The following RBFOX1 variants were observed in gnomAD, a reference collection of about 807,000 sequenced individuals.
The protein encoded by RBFOX1 is RNA binding fox-1 homolog 1.
Under a neutral mutation model 57.7 loss-of-function variants are expected in RBFOX1, and 8 were observed. The ratio of observed to expected loss-of-function variants is 0.14; its 90% CI spans 0.08 to 0.25. RBFOX1 has a LOEUF of 0.25. Among genes scored for constraint, RBFOX1 ranks in the 10% least tolerant of loss-of-function variants. RBFOX1 has a pLI of 1.00. For synonymous variants in RBFOX1, 326 were observed against 222.4 expected, an observed-to-expected ratio of 1.47 and a Z score of -4.15; for missense variants, 611 against 548.5, an observed-to-expected ratio of 1.11 and a Z score of -1.14.
At chr16:5,861,640 A>G (rs535823516) in intron 3 of RBFOX1, among the ~76,000 whole-genome samples, 3 of 152,308 alleles carry the variant, frequency 2.0e-5, no homozygotes, top group African/African-American at 4.8e-5. Flanking sequence ...CTTCACCCAT[A>G]GGACTCCCCC....
intron 4 of RBFOX1, among the ~76,000 whole-genome samples, chr16:7,142,627 C>G (rs976963948): frequency 6.6e-6 from 1 of 152,156 alleles, no homozygotes; most frequent in African/African-American, 2.4e-5. Context: ...TCTGGACTGT[C>G]AATCAGAGCA....
intron 1 of RBFOX1, among the ~76,000 whole-genome samples, chr16:6,267,328 C>T (rs574411340): frequency 1.3e-5 from 2 of 152,314 alleles, no homozygotes; most frequent in East Asian, 3.9e-4. Flanking sequence ...GAACTCTACT[C>T]ATATTATTTG....
chr16:7,255,759 T>A (rs918474778), intron 4 of RBFOX1, among the ~76,000 whole-genome samples: 3 of 152,236 alleles, frequency 2.0e-5, no homozygotes, highest in African/African-American at 7.2e-5. Flanking sequence ...TTTCAATATA[T>A]AATCAATATA....
chr16:6,730,902 G>C (rs1211711543), intron 3 of RBFOX1, among the ~76,000 whole-genome samples: 2 of 152,104 alleles, frequency 1.3e-5, no homozygotes, highest in Admixed American at 6.6e-5. Flanking sequence ...ACCAAATATG[G>C]GGTGGGGAGA....
At chr16:5,363,001 A>G (rs2065597008) in intron 1 of RBFOX1, among the ~76,000 whole-genome samples, 1 of 151,676 alleles carries the variant, frequency 6.6e-6, no homozygotes, top group Admixed American at 6.6e-5. Context: ...ATGGGAGTGC[A>G]AATATCTCTT....
Position 5,449,763 on chromosome 16 carries a change from C to T in RBFOX1, c.220-17453C>T, listed in dbSNP as rs181050267. 3.3e-3 allele frequency among the ~76,000 whole-genome samples: 502 copies of T among 152,074 alleles called. 10 individuals are homozygous for T. The highest frequency in any genetic ancestry group is 0.025 in the Admixed American group (375 of 15,270). On this transcript the variant is annotated intron_variant, in intron 1 of 2. Coordinates refer to the RBFOX1 transcript ENST00000585867. ...AGATGGAAACACAGATGTATGCCAC[C>T]ATGCCTGGCTAATTTTTTATTTTTT...
chr16:7,044,687 T>C (rs537384363), intron 3 of RBFOX1, among the ~76,000 whole-genome samples: 1 of 149,346 alleles, frequency 6.7e-6, no homozygotes, highest in Admixed American at 6.6e-5. Flanking sequence ...GTTTTGTGCA[T>C]TACTGCCATG....
At chr16:6,836,135 T>C (rs1171519579) in intron 3 of RBFOX1, among the ~76,000 whole-genome samples, 1 of 152,218 alleles carries the variant, frequency 6.6e-6, no homozygotes, top group African/African-American at 2.4e-5. Context: ...CAATTTATGG[T>C]ATTTCATGGG....
chr16:6,054,360 T>A lies in RBFOX1; in HGVS notation c.-127+34368T>A, dbSNP rs376255272. Among the ~76,000 whole-genome samples, 5 of 152,170 alleles carry A rather than the reference T, an allele frequency of 3.3e-5. No individual in the cohort carries two copies. In the East Asian group the frequency reaches 7.7e-4, roughly 23 times the overall value. Reference sequence around the variant, plus strand: ...TATTCTAATTCTGTAATTACAGCAGTGGGTGGTATGTTTTGAGGTTTTATT... The same window carrying A: ...TATTCTAATTCTGTAATTACAGCAGAGGGTGGTATGTTTTGAGGTTTTATT... On this transcript the variant is annotated intron_variant, in intron 1 of 15. Coordinates refer to ENST00000550418, the MANE Select transcript of RBFOX1 (RefSeq NM_018723.4).
At chr16:5,774,983 C>G (rs923541957) in intron 3 of RBFOX1, among the ~76,000 whole-genome samples, 1 of 152,162 alleles carries the variant, frequency 6.6e-6, no homozygotes, top group Admixed American at 6.5e-5. Flanking sequence ...GCACCCAGCT[C>G]AGAGGATTTA....
chr16:6,960,509 C>A (rs933497089), intron 3 of RBFOX1, among the ~76,000 whole-genome samples: 2 of 152,104 alleles, frequency 1.3e-5, no homozygotes, highest in African/African-American at 4.8e-5. Context: ...GCCTGACCCT[C>A]AGTTTGGTCT....
intron 12 of RBFOX1, among the ~76,000 whole-genome samples, chr16:7,656,501 AG>A (rs2066339614): frequency 6.6e-6 from 1 of 152,188 alleles, no homozygotes; most frequent in Non-Finnish European, 1.5e-5. Flanking sequence ...TGTTGTGTTC[AG>A]GGAAAGCAAG....
At chr16:7,052,458 T>C (rs781312180) in intron 4 of RBFOX1, among the ~76,000 whole-genome samples, 1 of 152,206 alleles carries the variant, frequency 6.6e-6, no homozygotes, top group Non-Finnish European at 1.5e-5. Flanking sequence ...CCAGGCTGTT[T>C]GCTGAGTGGC....
At chr16:7,327,923 T>C (rs1000153143) in intron 4 of RBFOX1, among the ~76,000 whole-genome samples, 4 of 152,100 alleles carry the variant, frequency 2.6e-5, no homozygotes, top group Admixed American at 2.6e-4. Flanking sequence ...ACCGACAGAA[T>C]CCATGAGGCA....
intron 1 of RBFOX1, among the ~76,000 whole-genome samples, chr16:6,214,943 A>AGAGAGGGAGAGAGG (rs2097325286): frequency 9.0e-6 from 1 of 110,702 alleles, no homozygotes; most frequent in Non-Finnish European, 1.9e-5. Flanking sequence ...AGGGACAGGG[A>AGAGAGGGAGAGAGG]GAGAGGGAGA....
intron 4 of RBFOX1, among the ~76,000 whole-genome samples, chr16:7,425,987 A>G (rs1281172766): frequency 6.6e-6 from 1 of 152,178 alleles, no homozygotes; most frequent in Non-Finnish European, 1.5e-5. Flanking sequence ...GTTTATACAC[A>G]TTGGTGTTCA....
intron 4 of RBFOX1, among the ~76,000 whole-genome samples, chr16:7,160,337 T>C (rs1227618750): frequency 3.3e-5 from 5 of 152,134 alleles, no homozygotes; most frequent in Admixed American, 2.6e-4. Context: ...GTGTGTAAAA[T>C]GGCAATGAAA....
At chr16:7,529,680 A>C (rs1458301794) in intron 5 of RBFOX1, among the ~76,000 whole-genome samples, 6 of 152,270 alleles carry the variant, frequency 3.9e-5, no homozygotes, top group African/African-American at 1.2e-4. Context: ...GAAGATACTG[A>C]ATTTACAACT....
intron 3 of RBFOX1, among the ~76,000 whole-genome samples, chr16:5,746,811 G>C (rs925260487): frequency 1.3e-5 from 2 of 152,202 alleles, no homozygotes; most frequent in Non-Finnish European, 2.9e-5. Flanking sequence ...CTTTGCTGAA[G>C]TTACTCATCA....
Sources: gnomAD v4.1 joint callset for allele counts (sites outside exome capture counted in the v4.1 genomes callset) on GRCh38, gnomAD v4.1.1 for gene constraint, MANE v1.5 for transcripts, NCBI Gene and HGNC (gene_info 2026-07-23, HGNC 2026-07-21) for gene names.